FAT3: variants seen among roughly 807,000 people sequenced by gnomAD.
FAT3 encodes protocadherin Fat 3.
A neutral mutation model predicts 310.2 loss-of-function variants in FAT3; 95 were observed. The observed-to-expected ratio is 0.31, with a 90% CI of 0.26 to 0.36. FAT3 has a LOEUF of 0.36. Among genes scored for constraint, FAT3 ranks in the 10% least tolerant of loss-of-function variants. The probability of loss-of-function intolerance (pLI) is 1.00; values close to 1 mark genes in which losing one functional copy is unlikely to be tolerated. For synonymous variants in FAT3, 2,314 were observed against 2,192.9 expected (o/e 1.06, Z -1.54); for missense variants, 5,408 against 5,715.6 (o/e 0.95, Z 1.74).
intron 1 of FAT3, among the ~76,000 whole-genome samples, chr11:92,251,722 GCCT>G (rs1412170529): frequency 1.3e-5 from 1 of 79,608 alleles, no homozygotes; most frequent in East Asian, 5.1e-4. Context: ...AAATTTGAGT[GCCT>G]ACTGTGCCTA....
Position 92,799,978 on chromosome 11 carries a change from T to G in FAT3, c.6965T>G (p.Val2322Gly), listed in dbSNP as rs1039184266. ...GCAGACTCAGAAAACAATAAAATGGTACATTATCAGATTGTCCAGGATACC... is the reference window on the plus strand; with the variant it reads ...GCAGACTCAGAAAACAATAAAATGGGACATTATCAGATTGTCCAGGATACC... ...IDADSENNKM[V>G]HYQIVQDTYN... is the part of the protein sequence containing the mutation. Residue 2322 changes from valine to glycine, a missense_variant, in exon 10 of 28, where the codon GTA (valine) becomes GGA (glycine). Around this residue, in one of 5 missense-constraint regions of FAT3, gnomAD observed 4,588 missense variants for 4,809.8 expected, o/e 0.95. Coordinates refer to ENST00000525166, the MANE Select transcript of FAT3 (RefSeq NM_001367949.2). 1.2e-6 allele frequency: 2 copies of G among 1,613,554 alleles called. No individual in the cohort carries two copies. Among genetic ancestry groups the G allele is most frequent in the Middle Eastern group, 1.7e-4 (1 of 6,060 alleles).
At chr11:92,494,814 A>G (rs1358395580) in intron 2 of FAT3, among the ~76,000 whole-genome samples, 1 of 151,998 alleles carries the variant, frequency 6.6e-6, no homozygotes, top group Admixed American at 6.6e-5. Flanking sequence ...ACCTTATAAA[A>G]TCTTATATTT....
intron 3 of FAT3, among the ~76,000 whole-genome samples, chr11:92,650,690 G>T (rs1942342923): frequency 1.3e-5 from 2 of 152,172 alleles, no homozygotes; most frequent in African/African-American, 2.4e-5. Context: ...ACAGTTGGTT[G>T]TCATGAGCTG....
chr11:92,614,124 T>C (rs1940694931), intron 3 of FAT3, among the ~76,000 whole-genome samples: 1 of 152,190 alleles, frequency 6.6e-6, no homozygotes, highest in Non-Finnish European at 1.5e-5. Context: ...AGATATACCA[T>C]GTTTTATTTA....
In FAT3 at chr11:92,800,654, C is replaced by T; in HGVS notation, c.7641C>T (p.Asp2547=). 1 of 1,613,750 alleles carries T rather than the reference C, an allele frequency of 6.2e-7. No individual in the cohort carries two copies. Among genetic ancestry groups the T allele is most frequent in the Non-Finnish European group, 8.5e-7 (1 of 1,179,802 alleles). ...TTGCCAAGGATCGATTCCTCATAGA[C>T]AGCAATGGGCAGGTCATCACCACAG... ...NDFAKDRFLI[D]SNGQVITTER... The change falls in exon 10 of 28, where the codon GAC becomes GAT. Residue 2547 remains aspartate, a synonymous_variant. Transcript: ENST00000525166.
At chr11:92,440,861 G>C (rs932170851) in intron 2 of FAT3, among the ~76,000 whole-genome samples, 3 of 152,144 alleles carry the variant, frequency 2.0e-5, no homozygotes, top group Non-Finnish European at 2.9e-5. Flanking sequence ...TTGTAGGGTC[G>C]TAGTTCTGGC....
intron 7 of FAT3, 74 bp downstream of exon 7, chr11:92,774,254 A>G (rs1946537120): frequency 6.9e-7 from 1 of 1,443,796 alleles, no homozygotes; most frequent in Non-Finnish European, 9.3e-7. Flanking sequence ...CAATGAAAAA[A>G]AAATGTAATG....
chr11:92,833,779 C>G (rs1565633947), intron 14 of FAT3, among the ~76,000 whole-genome samples: 1 of 152,122 alleles, frequency 6.6e-6, no homozygotes, highest in East Asian at 1.9e-4. Context: ...CCTAGCCTGT[C>G]TAGTTATGAC....
At chr11:92,253,404 C>T (rs986244118) in intron 1 of FAT3, among the ~76,000 whole-genome samples, 2 of 152,040 alleles carry the variant, frequency 1.3e-5, no homozygotes, top group East Asian at 3.9e-4. Flanking sequence ...GATTTGAGCC[C>T]TCTTCTTTTT....
chr11:92,362,585 A>G (rs1409829052), intron 2 of FAT3, among the ~76,000 whole-genome samples: 1 of 152,182 alleles, frequency 6.6e-6, no homozygotes, highest in East Asian at 1.9e-4. Flanking sequence ...TGGGTGGAAC[A>G]GTTCCTTGCT....
At chr11:92,808,748 AC>A (rs1319618262) in intron 12 of FAT3, among the ~76,000 whole-genome samples, 4 of 151,898 alleles carry the variant, frequency 2.6e-5, no homozygotes, top group African/African-American at 9.7e-5. Context: ...ACACAGTGAA[AC>A]CCCGTCTCCA....
Position 92,649,462 on chromosome 11 carries a change from T to C in FAT3, c.3608-47922T>C, listed in dbSNP as rs1942289230. On this transcript the variant is annotated intron_variant, in intron 3 of 27. Coordinates refer to ENST00000525166, the MANE Select transcript of FAT3 (RefSeq NM_001367949.2). ...GCAGAGCTCTAGACCTCTCCTGAAA[T>C]TGGTTATTTTCTTCCTTCACTCCCT... Among the ~76,000 whole-genome samples the C allele has an allele frequency of 2.0e-5, 3 of 152,238 alleles. No homozygotes were observed. In the South Asian group the frequency reaches 6.2e-4, roughly 32 times the overall value.
intron 1 of FAT3, among the ~76,000 whole-genome samples, chr11:92,303,751 C>T (rs1332090468): frequency 6.6e-6 from 1 of 152,074 alleles, no homozygotes; most frequent in Non-Finnish European, 1.5e-5. Flanking sequence ...GATGGCTAGT[C>T]AGAGGAACAA....
chr11:92,846,635 A>G (rs1198829835), intron 19 of FAT3, among the ~76,000 whole-genome samples: 1 of 152,140 alleles, frequency 6.6e-6, no homozygotes, highest in Non-Finnish European at 1.5e-5. Flanking sequence ...TAAGACACTA[A>G]TGTCTTAAAT....
At chr11:92,558,338 T>G (rs1955093910) in intron 3 of FAT3, among the ~76,000 whole-genome samples, 1 of 152,056 alleles carries the variant, frequency 6.6e-6, no homozygotes, top group African/African-American at 2.4e-5. Flanking sequence ...ACTTTTCAAG[T>G]GGTCTCAGAA....
intron 3 of FAT3, among the ~76,000 whole-genome samples, chr11:92,648,730 A>G (rs962599694): frequency 6.6e-6 from 1 of 152,184 alleles, no homozygotes; most frequent in Admixed American, 6.5e-5. Flanking sequence ...GACATGGACC[A>G]TCTATAAAAT....
chr11:92,638,345 G>A (rs910114639), intron 3 of FAT3, among the ~76,000 whole-genome samples: 1 of 152,182 alleles, frequency 6.6e-6, no homozygotes, highest in Non-Finnish European at 1.5e-5. Context: ...TAGGACCTTT[G>A]TGTCTTGGGC....
At chr11:92,448,790 A>T (rs905840059) in intron 2 of FAT3, among the ~76,000 whole-genome samples, 1 of 152,144 alleles carries the variant, frequency 6.6e-6, no homozygotes, top group African/African-American at 2.4e-5. Context: ...TGCATTCAGA[A>T]TCTTAGGGAT....
chr11:92,858,327 C>T (rs1303802411), intron 20 of FAT3, among the ~76,000 whole-genome samples: 1 of 152,194 alleles, frequency 6.6e-6, no homozygotes, highest in African/African-American at 2.4e-5. Flanking sequence ...TCTACATATG[C>T]ACTGTGCACA....
Sources: allele counts gnomAD v4.1 joint callset (sites outside exome capture counted in the v4.1 genomes callset), GRCh38; gene constraint gnomAD v4.1.1; regional missense constraint gnomAD v4.1.1; transcripts MANE v1.5; gene names NCBI Gene and HGNC (gene_info 2026-07-23, HGNC 2026-07-21).